TYW1B: variants seen among roughly 807,000 people sequenced by gnomAD.
TYW1B encodes S-adenosyl-L-methionine-dependent tRNA 4-demethylwyosine synthase TYW1B.
A neutral mutation model predicts 86.9 loss-of-function variants in TYW1B; 73 were observed. That is an observed-to-expected ratio of 0.84 (90% CI 0.70 to 1.02). The LOEUF (loss-of-function observed/expected upper bound fraction) is 1.02, where lower values mean the gene tolerates loss of function less well. Ranked by LOEUF, TYW1B falls within the 50% of genes least tolerant of loss-of-function variation. The pLI, the probability that TYW1B is intolerant of heterozygous loss-of-function variation, is 0.00. For synonymous variants in TYW1B, 248 were observed against 292.8 expected (o/e 0.85, Z 1.56); for missense variants, 637 against 827.4 (o/e 0.77, Z 2.82).
chr7:72,817,950 G>C (rs1490785297), intron 2 of TYW1B, among the ~76,000 whole-genome samples: 1 of 151,846 alleles, frequency 6.6e-6, no homozygotes. Context: ...TTTCCTTTCA[G>C]TTTAATTCAA....
chr7:72,683,105 C>T (rs1813916806), intron 11 of TYW1B, among the ~76,000 whole-genome samples: 1 of 152,172 alleles, frequency 6.6e-6, no homozygotes, highest in Non-Finnish European at 1.5e-5. Context: ...TTATCAGAGC[C>T]TAACTAACCA....
At chr7:72,761,678 C>A (rs1270947131) in intron 7 of TYW1B, among the ~76,000 whole-genome samples, 1 of 150,108 alleles carries the variant, frequency 6.7e-6, no homozygotes, top group Non-Finnish European at 1.5e-5. Context: ...AAGGCTATTT[C>A]AAAATATGGA....
chr7:72,640,710 TAAC>T (rs1812781441), intron 11 of TYW1B, among the ~76,000 whole-genome samples: 1 of 151,940 alleles, frequency 6.6e-6, no homozygotes, highest in African/African-American at 2.4e-5. Flanking sequence ...AATGAGAAAT[TAAC>T]ATAGCCATAG....
chr7:72,672,100 A>G (rs1194896428), intron 11 of TYW1B, among the ~76,000 whole-genome samples: 9 of 152,104 alleles, frequency 5.9e-5, no homozygotes, highest in African/African-American at 1.9e-4. Context: ...AATAAGTCTC[A>G]TGAGAGCTGA....
chr7:72,673,273 C>T (rs1813655186), intron 11 of TYW1B, among the ~76,000 whole-genome samples: 1 of 152,180 alleles, frequency 6.6e-6, no homozygotes, highest in Admixed American at 6.6e-5. Flanking sequence ...ATCAGTATAT[C>T]GAACACGGAA....
At chr7:72,708,767 A>G (rs1468687099) in intron 10 of TYW1B, among the ~76,000 whole-genome samples, 1 of 152,142 alleles carries the variant, frequency 6.6e-6, no homozygotes, top group East Asian at 1.9e-4. Context: ...GGCAGGGAGC[A>G]TCCTTAGTTT....
chr7:72,771,941 G>A (rs1787875726), intron 7 of TYW1B, among the ~76,000 whole-genome samples: 1 of 151,468 alleles, frequency 6.6e-6, no homozygotes, highest in Non-Finnish European at 1.5e-5. Context: ...CTGCCTCCCG[G>A]GTTTAAACGA....
intron 5 of TYW1B, 88 bp from the exon 6 acceptor site, chr7:72,802,610 T>G (rs1412118180): frequency 1.3e-6 from 2 of 1,525,542 alleles, no homozygotes; most frequent in East Asian, 4.6e-5. Context: ...GAATTCACTA[T>G]GTCTCTAAAT....
rs1462127605 is a variant in TYW1B, at chr7:72,642,407, T to C, written c.1507-13410A>G. ...TGGCAGCTCCTGAAAAAGTTAAATATAGAATTACTATATGACCCAGTAATT... is the reference window on the plus strand; with the variant it reads ...TGGCAGCTCCTGAAAAAGTTAAATACAGAATTACTATATGACCCAGTAATT... On this transcript the variant is annotated intron_variant, in intron 11 of 13. Transcript: ENST00000620995. Among the ~76,000 whole-genome samples, 4 of 152,330 alleles carry C rather than the reference T, an allele frequency of 2.6e-5. No homozygotes were observed. The East Asian group carries it at 7.7e-4, about 29-fold the overall frequency.
chr7:72,672,473 AACAC>A lies in TYW1B; in HGVS notation c.1506+22210_1506+22213del, dbSNP rs57744814. On this transcript the variant is annotated intron_variant, in intron 11 of 13. Coordinates refer to ENST00000620995, the MANE Select transcript of TYW1B (RefSeq NM_001145440.3). The stretch of plus-strand genomic sequence containing the variant: ...GAATTTATTTGGGCATACACACACA[AACAC>A]ACACACACACACACACACACACACA... Among the ~76,000 whole-genome samples, 1,273 of 140,876 alleles carry A rather than the reference AACAC, an allele frequency of 9.0e-3. 27 individuals carry two copies. The highest frequency in any genetic ancestry group is 0.031 in the African/African-American group (1,144 of 37,288). 92.4% of individuals were successfully genotyped at this position (140,876 alleles called of 152,430 possible).
At chr7:72,770,576 A>T (rs1787850249) in intron 7 of TYW1B, among the ~76,000 whole-genome samples, 1 of 152,180 alleles carries the variant, frequency 6.6e-6, no homozygotes, top group Admixed American at 6.5e-5. Flanking sequence ...CTGAGCAAGT[A>T]TAAAGTAGTA....
intron 13 of TYW1B, among the ~76,000 whole-genome samples, chr7:72,608,929 C>A (rs757454664): frequency 3.9e-5 from 6 of 152,202 alleles, no homozygotes; most frequent in African/African-American, 9.6e-5. Flanking sequence ...CATAAATCTA[C>A]ACACAAAACG....
chr7:72,717,143 A>C (rs111312902), intron 9 of TYW1B, among the ~76,000 whole-genome samples: 1 of 151,918 alleles, frequency 6.6e-6, no homozygotes, highest in Non-Finnish European at 1.5e-5. Context: ...TCTACTAAAA[A>C]TACAAAAATT....
At chr7:72,770,799 T>C (rs1465207916) in intron 7 of TYW1B, among the ~76,000 whole-genome samples, 2 of 152,122 alleles carry the variant, frequency 1.3e-5, no homozygotes, top group African/African-American at 4.8e-5. Flanking sequence ...AAAACTGGTA[T>C]ATTCATACAA....
At chr7:72,823,551 C>T (rs559445369) in intron 2 of TYW1B, among the ~76,000 whole-genome samples, 86 of 151,932 alleles carry the variant, frequency 5.7e-4, no homozygotes, top group African/African-American at 2.0e-3. Flanking sequence ...ACCCGGGAAG[C>T]AGAGGTTGCA....
intron 10 of TYW1B, among the ~76,000 whole-genome samples, chr7:72,703,018 ATATATATATTTT>A (rs1464273528): frequency 4.2e-4 from 6 of 14,436 alleles, no homozygotes; most frequent in African/African-American, 1.3e-3. Context: ...ATATATATAT[ATATATATATTTT>A]TTTTTTTTTT....
At chr7:72,699,710 C>T (rs1217626802) in intron 10 of TYW1B, among the ~76,000 whole-genome samples, 13 of 151,494 alleles carry the variant, frequency 8.6e-5, no homozygotes, top group African/African-American at 1.7e-4. Flanking sequence ...AGTGCAGGGG[C>T]GTGATCTCGG....
chr7:72,806,480 C>T (rs1788497772), intron 5 of TYW1B, among the ~76,000 whole-genome samples: 1 of 152,022 alleles, frequency 6.6e-6, no homozygotes, highest in South Asian at 2.1e-4. Context: ...AAGTGATCCA[C>T]CCACCTTGGC....
chr7:72,659,472 G>A (rs1396233675), intron 11 of TYW1B, among the ~76,000 whole-genome samples: 7 of 152,176 alleles, frequency 4.6e-5, no homozygotes, highest in African/African-American at 7.2e-5. Context: ...CAGCTACTAG[G>A]GAGGCTGAGG....
Sources: gnomAD v4.1 joint callset for allele counts (sites outside exome capture counted in the v4.1 genomes callset) on GRCh38, gnomAD v4.1.1 for gene constraint, MANE v1.5 for transcripts, NCBI Gene and HGNC (gene_info 2026-07-23, HGNC 2026-07-21) for gene names.